THRAP3: variants seen among roughly 807,000 people sequenced by gnomAD.
The protein encoded by THRAP3 is thyroid hormone receptor-associated protein 3.
THRAP3 carries 16 observed loss-of-function variants against 101.0 expected under a neutral mutation model. The observed-to-expected ratio is 0.16, with a 90% CI of 0.11 to 0.24. The LOEUF is 0.24. THRAP3 is among the 10% of genes least tolerant of loss of function. THRAP3 has a pLI of 1.00. For missense variants in THRAP3, 989 were observed against 1,202.7 expected, an observed-to-expected ratio of 0.82 and a Z score of 2.63; for synonymous variants, 407 against 422.6, an observed-to-expected ratio of 0.96 and a Z score of 0.45.
intron 1 of THRAP3, chr1:36,225,534 A>G (rs897392378): frequency 2.6e-5 from 4 of 152,182 alleles, no homozygotes; most frequent in Non-Finnish European, 5.9e-5. Flanking sequence ...TCACTTAGCC[A>G]CTGTTAAAAA....
intron 8 of THRAP3, among the ~76,000 whole-genome samples, chr1:36,295,574 T>TTCCTTCCC (rs1379079382): frequency 2.7e-5 from 4 of 146,214 alleles, no homozygotes; most frequent in East Asian, 2.0e-4. Flanking sequence ...CCTTCCTTCC[T>TTCCTTCCC]TCCCTCCTCC....
At chr1:36,214,459 C>T in the THRAP3 span, among the ~76,000 whole-genome samples, 2 of 152,208 alleles carry the variant, frequency 1.3e-5, no homozygotes, top group African/African-American at 4.8e-5. Flanking sequence ...ATGCCATTGT[C>T]TCGTCTCATC....
chr1:36,258,086 G>A lies in THRAP3; in HGVS notation c.-134-1296G>A, dbSNP rs1300985271. Among the ~76,000 whole-genome samples the A allele has an allele frequency of 3.3e-5, 5 of 152,284 alleles. No individual in the cohort carries two copies. In the South Asian group the frequency reaches 1.0e-3, roughly 32 times the overall value. Reference sequence around the variant, plus strand: ...GAACTCTGGACCTCGTGATCCGCCCGCCTCGGCCTCCCAAAGTGCTGGGAT... The same window carrying A: ...GAACTCTGGACCTCGTGATCCGCCCACCTCGGCCTCCCAAAGTGCTGGGAT... On this transcript the variant is annotated intron_variant, in intron 1 of 11. Coordinates refer to ENST00000354618, the MANE Select transcript of THRAP3 (RefSeq NM_005119.4).
chr1:36,214,062 GAAAGA>G, the THRAP3 span, among the ~76,000 whole-genome samples: 3 of 135,316 alleles, frequency 2.2e-5, no homozygotes, highest in Non-Finnish European at 3.3e-5. Context: ...AAGAAAGAAA[GAAAGA>G]CAACTCCTAA....
the THRAP3 span, among the ~76,000 whole-genome samples, chr1:36,214,206 C>G: frequency 6.6e-6 from 1 of 152,198 alleles, no homozygotes; most frequent in Admixed American, 6.5e-5. Flanking sequence ...GGAGTTGGCT[C>G]TCCGTAGGTG....
chr1:36,241,385 GTATA>G (rs1166260923), intron 1 of THRAP3, among the ~76,000 whole-genome samples: 342 of 8,582 alleles, frequency 0.04, 1 homozygote, highest in Middle Eastern at 0.12. Flanking sequence ...GATAATGGGT[GTATA>G]TATATATATA....
intron 2 of THRAP3, among the ~76,000 whole-genome samples, chr1:36,260,589 G>A (rs879337391): frequency 5.9e-5 from 9 of 152,078 alleles, no homozygotes; most frequent in South Asian, 2.1e-4. Context: ...TTGGGAGGCC[G>A]AGGCGGGCGG....
intron 1 of THRAP3, among the ~76,000 whole-genome samples, chr1:36,239,869 A>G (rs775197693): frequency 1.3e-5 from 2 of 152,212 alleles, no homozygotes; most frequent in East Asian, 3.8e-4. Flanking sequence ...TATGTATAAC[A>G]TAAAATTTTA....
intron 1 of THRAP3, among the ~76,000 whole-genome samples, chr1:36,234,949 G>A (rs1220079143): frequency 1.3e-5 from 2 of 151,900 alleles, no homozygotes; most frequent in Non-Finnish European, 2.9e-5. Flanking sequence ...GAGTAGCTGG[G>A]ATTACAGGCA....
At chr1:36,248,714 G>A (rs1358768206) in intron 1 of THRAP3, among the ~76,000 whole-genome samples, 1 of 151,792 alleles carries the variant, frequency 6.6e-6, no homozygotes, top group Non-Finnish European at 1.5e-5. Context: ...TCTTATGTAT[G>A]TGAGGGCTCA....
chr1:36,284,929 GT>G lies in THRAP3; in HGVS notation c.138-1430del, dbSNP rs550500694. Among the ~76,000 whole-genome samples the G allele has an allele frequency of 2.2e-3, 335 of 151,732 alleles. 3 individuals carry two copies. The highest frequency in any genetic ancestry group is 7.7e-3 in the African/African-American group (320 of 41,388). ...TTCAAATGAAAAGTGTGGAAGGTAA[GT>G]TTTTTTTTAATTGTACTTAATTACA... On this transcript the variant is annotated intron_variant, in intron 3 of 11. Coordinates refer to ENST00000354618, the MANE Select transcript of THRAP3 (RefSeq NM_005119.4).
intron 1 of THRAP3, among the ~76,000 whole-genome samples, chr1:36,236,626 A>G (rs999159306): frequency 6.6e-6 from 1 of 152,090 alleles, no homozygotes; most frequent in Non-Finnish European, 1.5e-5. Context: ...CTTTGTCAGC[A>G]TCTTCTGCCG....
At chr1:36,219,178 G>A in the THRAP3 span, among the ~76,000 whole-genome samples, 2 of 151,876 alleles carry the variant, frequency 1.3e-5, no homozygotes, top group African/African-American at 4.8e-5. Context: ...ATAAACAAAA[G>A]CCTAATCTAG....
chr1:36,220,972 A>AAAAAAAAAAAAAAAATAT (rs1285765741), upstream of THRAP3, among the ~76,000 whole-genome samples: 1 of 94,146 alleles, frequency 1.1e-5, no homozygotes, highest in African/African-American at 4.7e-5. Context: ...AAAAAAAAAA[A>AAAAAAAAAAAAAAAATAT]ATATATATAT....
At chr1:36,248,317 T>C (rs1250025801) in intron 1 of THRAP3, among the ~76,000 whole-genome samples, 1 of 152,164 alleles carries the variant, frequency 6.6e-6, no homozygotes, top group South Asian at 2.1e-4. Context: ...TGAATACTTT[T>C]ATTGTAGAGA....
At chr1:36,260,824 A>C (rs1296384335) in intron 2 of THRAP3, among the ~76,000 whole-genome samples, 1 of 150,914 alleles carries the variant, frequency 6.6e-6, no homozygotes, top group Non-Finnish European at 1.5e-5. Flanking sequence ...TACGTCTCAA[A>C]AAAAAAAAAA....
At chr1:36,278,125 C>T (rs892542848) in intron 2 of THRAP3, among the ~76,000 whole-genome samples, 5 of 146,692 alleles carry the variant, frequency 3.4e-5, no homozygotes, top group African/African-American at 1.3e-4. Flanking sequence ...AGTGCACTGG[C>T]GTGATCTTCG....
the THRAP3 span, among the ~76,000 whole-genome samples, chr1:36,217,795 TGTG>T: frequency 6.6e-6 from 1 of 152,128 alleles, no homozygotes; most frequent in Admixed American, 6.6e-5. Flanking sequence ...TAGTAAGTGT[TGTG>T]TGTGTACTGA....
intron 1 of THRAP3, among the ~76,000 whole-genome samples, chr1:36,248,033 C>T (rs1011554511): frequency 6.6e-6 from 1 of 151,862 alleles, no homozygotes; most frequent in Admixed American, 6.6e-5. Flanking sequence ...GCACACGCCA[C>T]CATGCATGGC....
Sources: gnomAD v4.1 joint callset for allele counts (sites outside exome capture counted in the v4.1 genomes callset) on GRCh38, gnomAD v4.1.1 for gene constraint, MANE v1.5 for transcripts, NCBI Gene and HGNC (gene_info 2026-07-23, HGNC 2026-07-21) for gene names.